Variants in SRPK2 observed in about 807,000 individuals in gnomAD.
SRPK2 encodes SFRS protein kinase 2.
In SRPK2, 21 loss-of-function variants were observed where a neutral mutation model predicts 90.8. The ratio of observed to expected loss-of-function variants is 0.23; its 90% CI spans 0.16 to 0.33. The LOEUF is 0.33. SRPK2 is among the 10% of genes least tolerant of loss of function. The pLI is 1.00. For missense variants in SRPK2, 620 were observed against 869.0 expected (o/e 0.71, Z 3.60); for synonymous variants, 288 against 311.1 (o/e 0.93, Z 0.78).
intron 2 of SRPK2, among the ~76,000 whole-genome samples, chr7:105,287,650 C>T (rs548494478): frequency 2.6e-5 from 4 of 152,084 alleles, no homozygotes; most frequent in East Asian, 3.9e-4. Flanking sequence ...GTAGGAGAAT[C>T]GCTTGAACCC....
chr7:105,172,785 G>A (rs1791321560), intron 3 of SRPK2, among the ~76,000 whole-genome samples: 1 of 152,098 alleles, frequency 6.6e-6, no homozygotes, highest in African/African-American at 2.4e-5. Context: ...CAGAAAACAT[G>A]GGATGTCTTA....
At chr7:105,283,600 C>A (rs539290945) in intron 2 of SRPK2, among the ~76,000 whole-genome samples, 29 of 151,290 alleles carry the variant, frequency 1.9e-4, no homozygotes, top group South Asian at 1.5e-3. Context: ...TTAGTGATTG[C>A]GGGTAGGGCA....
intron 11 of SRPK2, among the ~76,000 whole-genome samples, chr7:105,136,997 A>G (rs967378443): frequency 1.3e-5 from 2 of 152,250 alleles, no homozygotes; most frequent in African/African-American, 2.4e-5. Context: ...TCAGGTAGCT[A>G]AACAGGCTAT....
chr7:105,143,021 G>A, intron 10 of SRPK2, 63 bp downstream of exon 10: 1 of 1,571,348 alleles, frequency 6.4e-7, no homozygotes, highest in Non-Finnish European at 8.6e-7. Flanking sequence ...ATGTTGACCT[G>A]GCAGAACCCT....
chr7:105,392,852 G>A (rs150328198), upstream of SRPK2, among the ~76,000 whole-genome samples: 316 of 150,242 alleles, frequency 2.1e-3, 1 homozygote, highest in African/African-American at 7.2e-3. Context: ...TTGCTCCGTC[G>A]CCCAGGCTGG....
rs397889533 is a variant in SRPK2 at position 105,292,497 on chromosome 7, C to CAAAAAAA, written c.72-88719_72-88713dup. 4.7e-3 allele frequency among the ~76,000 whole-genome samples: 354 copies of CAAAAAAA among 74,754 alleles called. 67 individuals are homozygous for CAAAAAAA. The highest frequency in any genetic ancestry group is 8.3e-3 in the Middle Eastern group (1 of 120). The allele number at this position is 74,754 out of a possible 152,430, so 49.0% of individuals were successfully genotyped here. A position where few individuals can be genotyped will look rare whatever the true frequency, so the allele number is the denominator to read the frequency against. ...AGCCTGGGCGATAGAGTAAGACTCTCAAAAAAAAAAAAAAAAAAAAAAAAA... is the reference window on the plus strand; with the variant it reads ...AGCCTGGGCGATAGAGTAAGACTCTCAAAAAAAAAAAAAAAAAAAAAAAAAAAAAAAA... On this transcript the variant is annotated intron_variant, in intron 2 of 15. Coordinates refer to ENST00000393651, the MANE Select transcript of SRPK2 (RefSeq NM_182692.3).
intron 2 of SRPK2, among the ~76,000 whole-genome samples, chr7:105,363,672 T>G (rs2132302074): frequency 6.6e-6 from 1 of 152,314 alleles, no homozygotes; most frequent in East Asian, 1.9e-4. Flanking sequence ...GCCATCTCAT[T>G]ACTGGGTATA....
In SRPK2 at chr7:105,280,554, C is replaced by A. The variant is rs561066542; in HGVS notation, c.72-76769G>T. Among the ~76,000 whole-genome samples, 23 of 151,708 alleles carry A rather than the reference C, an allele frequency of 1.5e-4. No homozygotes were observed. The South Asian group carries it at 2.3e-3, about 15-fold the overall frequency. Reference sequence around the variant, plus strand: ...TTCTAACTTCTTTGGTAAGCCAACACCCACTCAAATCATCTCAAAAACAAA... The same window carrying A: ...TTCTAACTTCTTTGGTAAGCCAACAACCACTCAAATCATCTCAAAAACAAA... On this transcript the variant is annotated intron_variant, in intron 2 of 15. Transcript: ENST00000393651.
chr7:105,220,874 A>G (rs1798014056), intron 2 of SRPK2, among the ~76,000 whole-genome samples: 1 of 152,220 alleles, frequency 6.6e-6, no homozygotes, highest in African/African-American at 2.4e-5. Flanking sequence ...TTCCCTTTAC[A>G]ATAGTCTAAT....
At chr7:105,154,946 T>C (rs1806280142) in intron 7 of SRPK2, among the ~76,000 whole-genome samples, 1 of 152,050 alleles carries the variant, frequency 6.6e-6, no homozygotes, top group African/African-American at 2.4e-5. Flanking sequence ...GTGCTGGGAT[T>C]ACAGGTGTGA....
chr7:105,270,622 T>C (rs1460195720), intron 2 of SRPK2, among the ~76,000 whole-genome samples: 1 of 152,048 alleles, frequency 6.6e-6, no homozygotes, highest in Non-Finnish European at 1.5e-5. Flanking sequence ...TTGGTCAGGC[T>C]GGTCTTGAAC....
At chr7:105,164,013 A>T (rs1393601200) in intron 6 of SRPK2, among the ~76,000 whole-genome samples, 1 of 152,220 alleles carries the variant, frequency 6.6e-6, no homozygotes, top group Non-Finnish European at 1.5e-5. Flanking sequence ...AATTTTAAAC[A>T]GGTACGATCG....
intron 2 of SRPK2, among the ~76,000 whole-genome samples, chr7:105,242,554 C>T (rs868560015): frequency 6.6e-6 from 1 of 152,060 alleles, no homozygotes; most frequent in Non-Finnish European, 1.5e-5. Context: ...AATGTATAAG[C>T]AAAGGCAGAT....
At chr7:105,297,425 T>C (rs887067507) in intron 2 of SRPK2, 21 of 979,708 alleles carry the variant, frequency 2.1e-5, no homozygotes, top group African/African-American at 3.5e-5. Context: ...TGTTACCTTA[T>C]TGAACATTTG....
At chr7:105,346,957 A>C (rs1816533684) in intron 2 of SRPK2, among the ~76,000 whole-genome samples, 1 of 152,042 alleles carries the variant, frequency 6.6e-6, no homozygotes. Flanking sequence ...GGACTTACTA[A>C]ACAGTAAAAA....
At chr7:105,387,862 T>C (rs992512156) in intron 2 of SRPK2, among the ~76,000 whole-genome samples, 2 of 152,180 alleles carry the variant, frequency 1.3e-5, no homozygotes, top group African/African-American at 2.4e-5. Context: ...AAAGGGTTCT[T>C]GGGCAGCGGC....
At chr7:105,259,840 A>C (rs963800202) in intron 2 of SRPK2, among the ~76,000 whole-genome samples, 1 of 152,166 alleles carries the variant, frequency 6.6e-6, no homozygotes, top group East Asian at 1.9e-4. Context: ...CATATGTAGA[A>C]AGCTGAAACT....
At chr7:105,222,065 C>A (rs1409003582) in intron 2 of SRPK2, among the ~76,000 whole-genome samples, 2 of 152,196 alleles carry the variant, frequency 1.3e-5, no homozygotes, top group African/African-American at 4.8e-5. Context: ...CTGAACCATT[C>A]CTTTGTTTCC....
intron 1 of SRPK2, among the ~76,000 whole-genome samples, chr7:105,394,452 G>C (rs1184022405): frequency 6.6e-6 from 1 of 152,136 alleles, no homozygotes; most frequent in Non-Finnish European, 1.5e-5. Flanking sequence ...TTTGTGGCCA[G>C]AGTCTTTCAC....
Sources: gnomAD v4.1 joint callset for allele counts (sites outside exome capture counted in the v4.1 genomes callset) on GRCh38, gnomAD v4.1.1 for gene constraint, MANE v1.5 for transcripts, NCBI Gene and HGNC (gene_info 2026-07-23, HGNC 2026-07-21) for gene names.